FAM53A: variants seen among roughly 807,000 people sequenced by gnomAD.
FAM53A encodes the protein family with sequence similarity 53 member A, also known as protein FAM53A.
A neutral mutation model predicts 26.6 loss-of-function variants in FAM53A; 28 were observed. That is an observed-to-expected ratio of 1.05 (90% confidence interval 0.78 to 1.45). The LOEUF is 1.45. FAM53A is among the 40% of genes most tolerant of loss of function. The pLI is 0.00. For missense variants in FAM53A, 650 were observed against 575.8 expected, an observed-to-expected ratio of 1.13 and a Z score of -1.32; for synonymous variants, 290 against 253.1, an observed-to-expected ratio of 1.15 and a Z score of -1.38.
intron 1 of FAM53A, among the ~76,000 whole-genome samples, chr4:1,627,326 T>C (rs1162755972): frequency 6.6e-6 from 1 of 152,212 alleles, no homozygotes; most frequent in African/African-American, 2.4e-5. Context: ...GGTTGGTGTT[T>C]CTGTTCCCTG....
chr4:1,636,542 C>A (rs1159772108), downstream of FAM53A, among the ~76,000 whole-genome samples: 1 of 152,356 alleles, frequency 6.6e-6, no homozygotes. Context: ...CTCACTCCTG[C>A]GCTCTCCACC....
downstream of FAM53A, among the ~76,000 whole-genome samples, chr4:1,635,176 A>T (rs995207228): frequency 1.3e-5 from 2 of 152,140 alleles, no homozygotes; most frequent in African/African-American, 4.8e-5. Context: ...CCTTTTCTCA[A>T]TTAAGCTAAA....
downstream of FAM53A, among the ~76,000 whole-genome samples, chr4:1,636,497 C>A (rs55807287): frequency 0.01 from 1,524 of 152,368 alleles, 11 homozygotes; most frequent in South Asian, 0.035. Context: ...AGATCCCGTC[C>A]GTCCTCGCGC....
chr4:1,607,301 G>A, the FAM53A span, among the ~76,000 whole-genome samples: 102 of 151,598 alleles, frequency 6.7e-4, no homozygotes, highest in Admixed American at 1.2e-3. Flanking sequence ...TTACAGGTGT[G>A]AGCCACTGCA....
the FAM53A span, among the ~76,000 whole-genome samples, chr4:1,609,378 G>C: frequency 6.6e-6 from 1 of 152,034 alleles, no homozygotes; most frequent in Admixed American, 6.5e-5. Context: ...CGGGGCCTCT[G>C]ATATGGTTTG....
At chr4:1,613,150 G>C (rs1401880875), downstream of FAM53A, among the ~76,000 whole-genome samples, 2 of 152,236 alleles carry the variant, frequency 1.3e-5, no homozygotes, top group Non-Finnish European at 2.9e-5. Context: ...CTGTGCACAA[G>C]GCATGGCCAA....
At chr4:1,578,182 C>T in the FAM53A span, among the ~76,000 whole-genome samples, 1 of 152,206 alleles carries the variant, frequency 6.6e-6, no homozygotes, top group Non-Finnish European at 1.5e-5. Context: ...GGCACGATGT[C>T]CAGGCTAGGT....
chr4:1,650,149 C>T (rs1318466740), intron 4 of FAM53A, among the ~76,000 whole-genome samples: 1 of 136,862 alleles, frequency 7.3e-6, no homozygotes, highest in Non-Finnish European at 1.6e-5. Flanking sequence ...TGAGGTGGCA[C>T]AGGCGTGGTG....
chr4:1,668,234 G>A (rs1326569461), intron 2 of FAM53A, among the ~76,000 whole-genome samples: 1 of 151,988 alleles, frequency 6.6e-6, no homozygotes, highest in Non-Finnish European at 1.5e-5. Context: ...CCGCCTCCCG[G>A]GTGCATGCCA....
the FAM53A span, among the ~76,000 whole-genome samples, chr4:1,579,517 G>C: frequency 6.6e-6 from 1 of 152,068 alleles, no homozygotes; most frequent in Non-Finnish European, 1.5e-5. Context: ...GAAGTGCAAC[G>C]CGCACGGGTG....
chr4:1,671,250 G>A (rs113698712), intron 1 of FAM53A, among the ~76,000 whole-genome samples: 11,686 of 101,334 alleles, frequency 0.12, no homozygotes, highest in Middle Eastern at 0.19. Flanking sequence ...GCCACAGCCC[G>A]GACTCACCTC....
chr4:1,593,739 G>C, the FAM53A span, among the ~76,000 whole-genome samples: 4 of 152,080 alleles, frequency 2.6e-5, no homozygotes, highest in Non-Finnish European at 5.9e-5. Flanking sequence ...GGAGACTGGA[G>C]AAATTCCTGA....
At chr4:1,650,295 G>A (rs549881434) in intron 4 of FAM53A, among the ~76,000 whole-genome samples, 6 of 143,436 alleles carry the variant, frequency 4.2e-5, no homozygotes, top group Non-Finnish European at 6.1e-5. Flanking sequence ...TGGCACAGGC[G>A]TGGTGTTTGT....
At position 1,618,883 on chromosome 4, in the gene FAM53A, C is replaced by T. The variant is rs371580731; in HGVS notation, c.432-772G>A. ...CTGGGCTGGGCTGAGGCCTCCACGG[C>T]CCCCCGAGGGCTCAGGGCTTATCTG... On this transcript the variant is annotated intron_variant, in intron 1 of 1. Transcript: ENST00000489029. 3.9e-5 allele frequency among the ~76,000 whole-genome samples: 6 copies of T among 152,162 alleles called. No homozygotes were observed. In the East Asian group the frequency reaches 9.6e-4, roughly 24 times the overall value.
the FAM53A span, among the ~76,000 whole-genome samples, chr4:1,598,917 C>T: frequency 3.5e-4 from 53 of 152,260 alleles, no homozygotes; most frequent in Non-Finnish European, 6.3e-4. Flanking sequence ...TAAAAATATA[C>T]TTGTAATTGG....
rs752637083 is a variant in FAM53A at position 1,618,040 on chromosome 4, C to T, written c.*33G>A. On this transcript the variant is annotated 3_prime_UTR_variant, in exon 2 of 2. Transcript: ENST00000489029. ...CAGTGAGGAGACGGCTGTCAGATGC[C>T]GTGAAGATGGGAAGATGGAGGGCCG... The T allele has an allele frequency of 5.3e-5, 24 of 456,198 alleles. 1 individual carries two copies. Among genetic ancestry groups the T allele is most frequent in the South Asian group, 2.3e-4 (15 of 64,550 alleles). 28.3% of individuals were successfully genotyped at this position (456,198 alleles called of 1,614,324 possible).
In FAM53A at chr4:1,626,677, G is replaced by A. The variant is rs567010641; in HGVS notation, c.432-8566C>T. 3.0e-3 allele frequency among the ~76,000 whole-genome samples: 456 copies of A among 151,874 alleles called. 2 individuals carry two copies. Among genetic ancestry groups the A allele is most frequent in the African/African-American group, 0.011 (437 of 41,412 alleles). On this transcript the variant is annotated intron_variant, in intron 1 of 1. Coordinates refer to the FAM53A transcript ENST00000489029. ...CCATGCCCTGAGCCCGGGGGGACCC[G>A]GGGAGGACCCGGGACAGTGCAGACT...
chr4:1,582,298 T>C, the FAM53A span, among the ~76,000 whole-genome samples: 1 of 152,212 alleles, frequency 6.6e-6, no homozygotes, highest in Non-Finnish European at 1.5e-5. Flanking sequence ...CATCAGGGCA[T>C]GCTGCCTAGC....
At chr4:1,666,640 C>A (rs1410701128) in intron 2 of FAM53A, among the ~76,000 whole-genome samples, 1 of 152,274 alleles carries the variant, frequency 6.6e-6, no homozygotes, top group African/African-American at 2.4e-5. Flanking sequence ...ATCTGATAGG[C>A]ATGTGCCGCT....
Sources: allele counts gnomAD v4.1 joint callset (sites outside exome capture counted in the v4.1 genomes callset), GRCh38; gene constraint gnomAD v4.1.1; transcripts MANE v1.5; gene names NCBI Gene and HGNC (gene_info 2026-07-23, HGNC 2026-07-21).